The following LGSN variants were observed in gnomAD, a reference collection of about 807,000 sequenced individuals.
LGSN encodes lengsin, lens protein with glutamine synthetase domain, also known as lengsin.
A neutral mutation model predicts 19.5 loss-of-function variants in LGSN; 21 were observed. That is an observed-to-expected ratio of 1.07 (90% CI 0.76 to 1.55). The LOEUF (loss-of-function observed/expected upper bound fraction) is 1.55. Among genes scored for constraint, LGSN ranks in the 40% most tolerant of loss-of-function variants. The probability of loss-of-function intolerance (pLI) is 0.00; values close to 1 mark genes in which losing one functional copy is unlikely to be tolerated. For synonymous variants in LGSN, 257 were observed against 215.6 expected (o/e 1.19, Z -1.68); for missense variants, 673 against 608.5 (o/e 1.11, Z -1.12).
At chr6:63,496,298 T>C in the LGSN span, among the ~76,000 whole-genome samples, 1 of 151,832 alleles carries the variant, frequency 6.6e-6, no homozygotes, top group Non-Finnish European at 1.5e-5. Context: ...AGTCCCTTCC[T>C]CAGCTAGATT....
At chr6:63,282,341 T>TTCTTTCTTTC (rs752164213) in intron 3 of LGSN, among the ~76,000 whole-genome samples, 1 of 152,196 alleles carries the variant, frequency 6.6e-6, no homozygotes, top group African/African-American at 2.4e-5. Flanking sequence ...CACTTTCCTT[T>TTCTTTCTTTC]TCTTTCTTTC....
the LGSN span, among the ~76,000 whole-genome samples, chr6:63,505,779 C>G: frequency 6.6e-6 from 1 of 152,094 alleles, no homozygotes; most frequent in African/African-American, 2.4e-5. Flanking sequence ...TCTGCCTCAA[C>G]CTCCCAAGTA....
At chr6:63,393,371 G>C in the LGSN span, among the ~76,000 whole-genome samples, 2 of 151,356 alleles carry the variant, frequency 1.3e-5, no homozygotes, top group African/African-American at 4.9e-5. Context: ...TAGAGACAGG[G>C]TTTCACCATG....
the LGSN span, among the ~76,000 whole-genome samples, chr6:63,327,883 T>C: frequency 6.6e-6 from 1 of 152,116 alleles, no homozygotes; most frequent in Non-Finnish European, 1.5e-5. Flanking sequence ...CTCCTTCCCA[T>C]TTTGATGGCT....
the LGSN span, among the ~76,000 whole-genome samples, chr6:63,499,837 T>C: frequency 6.6e-6 from 1 of 152,086 alleles, no homozygotes; most frequent in African/African-American, 2.4e-5. Context: ...AGGTGGGATT[T>C]GGTTAGGTCT....
chr6:63,331,445 G>A, the LGSN span, among the ~76,000 whole-genome samples: 69 of 152,316 alleles, frequency 4.5e-4, no homozygotes, highest in African/African-American at 1.6e-3. Flanking sequence ...TTCAGGGTTT[G>A]TGGGTCAAAT....
At chr6:63,361,498 A>G in the LGSN span, among the ~76,000 whole-genome samples, 1 of 152,070 alleles carries the variant, frequency 6.6e-6, no homozygotes, top group Admixed American at 6.5e-5. Context: ...TGCTAAGACC[A>G]TCGGAAAAGC....
At position 63,278,509 on chromosome 6, in the gene LGSN, G is replaced by A. The variant is rs1352682487; in HGVS notation, c.*1512C>T. ...CTGTCACCCAAGCTGGAGTGCAGTG[G>A]TGTGATTATGGCTCACTGCAGCCTG... is the stretch of plus-strand genomic sequence containing the variant. On this transcript the variant is annotated 3_prime_UTR_variant, in exon 4 of 4. Coordinates refer to ENST00000370657, the MANE Select transcript of LGSN (RefSeq NM_016571.3). 1 of 152,170 alleles carries A rather than the reference G, an allele frequency of 6.6e-6. No homozygotes were observed. The highest frequency in any genetic ancestry group is 1.5e-5 in the Non-Finnish European group (1 of 68,186). 9.4% of individuals were successfully genotyped at this position (152,170 alleles called of 1,614,324 possible). A position where few individuals can be genotyped will look rare whatever the true frequency, so the allele number is the denominator to read the frequency against.
chr6:63,446,138 T>C, the LGSN span, among the ~76,000 whole-genome samples: 4 of 149,802 alleles, frequency 2.7e-5, no homozygotes, highest in Admixed American at 2.7e-4. Flanking sequence ...TAGTCCCAAC[T>C]ACTCAGGAGG....
the LGSN span, among the ~76,000 whole-genome samples, chr6:63,330,588 T>G: frequency 6.6e-6 from 1 of 152,238 alleles, no homozygotes; most frequent in Non-Finnish European, 1.5e-5. Context: ...AAGGATTTTC[T>G]TCCTTTCCCT....
intron 1 of LGSN, among the ~76,000 whole-genome samples, chr6:63,307,614 T>C (rs1442068508): frequency 6.6e-6 from 1 of 152,230 alleles, no homozygotes; most frequent in African/African-American, 2.4e-5. Flanking sequence ...TTTGACCATT[T>C]ATCAAGTACT....
At chr6:63,325,554 C>T in the LGSN span, among the ~76,000 whole-genome samples, 20 of 152,226 alleles carry the variant, frequency 1.3e-4, no homozygotes, top group East Asian at 3.3e-3. Context: ...AAATAGAAAA[C>T]CTGAACAAAC....
the LGSN span, among the ~76,000 whole-genome samples, chr6:63,354,900 G>A: frequency 6.6e-6 from 1 of 151,770 alleles, no homozygotes; most frequent in Non-Finnish European, 1.5e-5. Context: ...AATATTGCAT[G>A]TTCTCACTCA....
chr6:63,405,696 T>C, the LGSN span, among the ~76,000 whole-genome samples: 1 of 152,172 alleles, frequency 6.6e-6, no homozygotes. Context: ...TAAATGTAAA[T>C]GGACTAAATG....
intron 1 of LGSN, among the ~76,000 whole-genome samples, chr6:63,319,069 G>T (rs1768981386): frequency 1.3e-5 from 2 of 152,096 alleles, no homozygotes; most frequent in African/African-American, 4.8e-5. Flanking sequence ...CTTAGGGAAA[G>T]TGCATTTGTT....
chr6:63,392,989 C>T, the LGSN span, among the ~76,000 whole-genome samples: 1 of 150,602 alleles, frequency 6.6e-6, no homozygotes, highest in Non-Finnish European at 1.5e-5. Flanking sequence ...CGGGTTCACG[C>T]CATTCTCCTA....
At chr6:63,356,304 C>G in the LGSN span, among the ~76,000 whole-genome samples, 252 of 152,244 alleles carry the variant, frequency 1.7e-3, no homozygotes, top group Middle Eastern at 6.8e-3. Flanking sequence ...CTTTGGGAGG[C>G]TAAGGCAGGA....
the LGSN span, among the ~76,000 whole-genome samples, chr6:63,489,380 T>C: frequency 6.6e-6 from 1 of 152,230 alleles, no homozygotes; most frequent in African/African-American, 2.4e-5. Flanking sequence ...TATTTATTTA[T>C]TCTTTGGAGA....
At chr6:63,518,413 A>G in the LGSN span, among the ~76,000 whole-genome samples, 1 of 152,202 alleles carries the variant, frequency 6.6e-6, no homozygotes, top group South Asian at 2.1e-4. Flanking sequence ...TTAACTAAAA[A>G]ATTATCATTT....
Sources: gnomAD v4.1 joint callset for allele counts (sites outside exome capture counted in the v4.1 genomes callset) on GRCh38, gnomAD v4.1.1 for gene constraint, MANE v1.5 for transcripts, NCBI Gene and HGNC (gene_info 2026-07-23, HGNC 2026-07-21) for gene names.